The following PNLIPRP3 variants were observed in gnomAD, a reference collection of about 807,000 sequenced individuals.
PNLIPRP3 encodes pancreatic lipase related protein 3.
In PNLIPRP3, 58 loss-of-function variants were observed where a neutral mutation model predicts 52.8. That is an observed-to-expected ratio of 1.10 (90% CI 0.89 to 1.37). The LOEUF is 1.37. PNLIPRP3 is among the 40% of genes most tolerant of loss of function. PNLIPRP3 has a pLI of 0.00. For missense variants in PNLIPRP3, 593 were observed against 561.6 expected (o/e 1.06, Z -0.57); for synonymous variants, 192 against 185.0 (o/e 1.04, Z -0.31).
chr10:116,441,411 A>T (rs1041547146), intron 2 of PNLIPRP3, among the ~76,000 whole-genome samples: 1 of 152,186 alleles, frequency 6.6e-6, no homozygotes, highest in Non-Finnish European at 1.5e-5. Flanking sequence ...TTCGGACTAA[A>T]TTCCCTCCAA....
intron 10 of PNLIPRP3, among the ~76,000 whole-genome samples, chr10:116,473,928 T>C (rs1426147272): frequency 2.1e-5 from 3 of 144,886 alleles, no homozygotes; most frequent in Admixed American, 7.2e-5. Context: ...GATGAAACTA[T>C]TTTAAAATTC....
chr10:116,476,187 G>T (rs1027693976), intron 10 of PNLIPRP3, among the ~76,000 whole-genome samples: 1 of 152,120 alleles, frequency 6.6e-6, no homozygotes, highest in African/African-American at 2.4e-5. Context: ...CTTTTATGTG[G>T]TTAAAGAAGG....
At chr10:116,475,197 A>G (rs2133162559) in intron 10 of PNLIPRP3, among the ~76,000 whole-genome samples, 1 of 152,316 alleles carries the variant, frequency 6.6e-6, no homozygotes, top group East Asian at 1.9e-4. Context: ...GAAACCAAAT[A>G]CTGAATGTTC....
intron 3 of PNLIPRP3, among the ~76,000 whole-genome samples, chr10:116,443,678 A>T (rs1229509058): frequency 7.3e-6 from 1 of 136,904 alleles, no homozygotes; most frequent in African/African-American, 2.7e-5. Flanking sequence ...CATATATATA[A>T]ACACATATAT....
Position 116,477,052 on chromosome 10 carries a change from G to C in PNLIPRP3, c.1341-38G>C. 1.3e-6 allele frequency: 2 copies of C among 1,504,846 alleles called. 1 individual carries two copies. 93.2% of individuals were successfully genotyped at this position (1,504,846 alleles called of 1,614,324 possible). A position where few individuals can be genotyped will look rare whatever the true frequency, so the allele number is the denominator to read the frequency against. On this transcript the variant is annotated intron_variant, in intron 11 of 11. Coordinates refer to ENST00000369230, the MANE Select transcript of PNLIPRP3 (RefSeq NM_001011709.3). ...CGTGTCTTTTTCTTCCCTGGCATCA[G>C]GTTAAAATTCCTTTTTTTTTTCCTT...
At chr10:116,446,864 C>T (rs983967445) in intron 4 of PNLIPRP3, among the ~76,000 whole-genome samples, 4 of 152,194 alleles carry the variant, frequency 2.6e-5, no homozygotes, top group African/African-American at 4.8e-5. Context: ...TCCTAGCTTC[C>T]CGCTTCACCT....
At chr10:116,461,123 A>G (rs1476090751) in intron 6 of PNLIPRP3, 38 bp downstream of exon 6, 2 of 1,614,152 alleles carry the variant, frequency 1.2e-6, no homozygotes, top group East Asian at 2.2e-5. Flanking sequence ...ATTGAAGCAT[A>G]GAGGAGATTT....
At chr10:116,473,768 A>G (rs1339825871) in intron 10 of PNLIPRP3, among the ~76,000 whole-genome samples, 1 of 151,944 alleles carries the variant, frequency 6.6e-6, no homozygotes, top group Non-Finnish European at 1.5e-5. Flanking sequence ...TGATCCACCC[A>G]CTTCGGCCTC....
intron 1 of PNLIPRP3, among the ~76,000 whole-genome samples, chr10:116,434,706 A>G (rs532921309): frequency 6.6e-6 from 1 of 152,298 alleles, no homozygotes; most frequent in African/African-American, 2.4e-5. Context: ...GAGGACCTGG[A>G]GAAAAAAGCA....
chr10:116,464,705 G>C (rs1846252921), intron 7 of PNLIPRP3, among the ~76,000 whole-genome samples: 1 of 152,234 alleles, frequency 6.6e-6, no homozygotes, highest in Non-Finnish European at 1.5e-5. Context: ...CCCCAAAGGG[G>C]GTGTTACATA....
chr10:116,468,128 A>C (rs1846309776), intron 8 of PNLIPRP3, among the ~76,000 whole-genome samples: 3 of 33,748 alleles, frequency 8.9e-5, no homozygotes, highest in Non-Finnish European at 2.7e-4. Context: ...CTGTCTCGCA[A>C]AAAAAAAAAA....
chr10:116,444,933 C>T (rs181664160), intron 4 of PNLIPRP3, among the ~76,000 whole-genome samples: 3,186 of 152,216 alleles, frequency 0.021, 48 homozygotes, highest in Non-Finnish European at 0.027. Flanking sequence ...GGTCTGTAGG[C>T]CAGTCCAGAC....
At chr10:116,473,012 G>A (rs918817277) in intron 10 of PNLIPRP3, among the ~76,000 whole-genome samples, 6 of 152,260 alleles carry the variant, frequency 3.9e-5, no homozygotes, top group African/African-American at 7.2e-5. Context: ...GGGTAAAGCT[G>A]TGTGATTTGT....
At chr10:116,473,676 C>A (rs190568428) in intron 10 of PNLIPRP3, among the ~76,000 whole-genome samples, 1 of 152,000 alleles carries the variant, frequency 6.6e-6, no homozygotes, top group Admixed American at 6.6e-5. Context: ...TGCCCACCAC[C>A]ATGCCTGGCT....
At chr10:116,460,185 G>A (rs1460461849) in intron 5 of PNLIPRP3, among the ~76,000 whole-genome samples, 3 of 152,178 alleles carry the variant, frequency 2.0e-5, no homozygotes, top group Admixed American at 6.5e-5. Context: ...ACACTGACTG[G>A]GGTGCCTTTC....
chr10:116,476,973 A>C, intron 11 of PNLIPRP3, 117 bp from the exon 12 acceptor site: 1 of 1,162,018 alleles, frequency 8.6e-7, no homozygotes, highest in Non-Finnish European at 1.2e-6. Flanking sequence ...AACCAATGCT[A>C]TATGTGCAGA....
rs572660219 is a variant in PNLIPRP3 at position 116,466,033 on chromosome 10, G to A, written c.809-17G>A. On this transcript the variant is annotated splice_polypyrimidine_tract_variant and intron_variant, in intron 7 of 11. Coordinates refer to ENST00000369230, the MANE Select transcript of PNLIPRP3 (RefSeq NM_001011709.3). Reference sequence around the variant, plus strand: ...ATCAGTTAATTGCTATCAGTTAATTGGGAATTGTTTTCACAGAAATGGCTT... The same window carrying A: ...ATCAGTTAATTGCTATCAGTTAATTAGGAATTGTTTTCACAGAAATGGCTT... 5 of 1,542,674 alleles carry A rather than the reference G, an allele frequency of 3.2e-6. No homozygotes were observed. In the African/African-American group the frequency reaches 4.1e-5, roughly 13 times the overall value.
At chr10:116,461,652 G>A (rs560049690) in intron 7 of PNLIPRP3, among the ~76,000 whole-genome samples, 3 of 152,188 alleles carry the variant, frequency 2.0e-5, no homozygotes, top group Non-Finnish European at 4.4e-5. Context: ...CTCCCTGATG[G>A]AGTTCATTTT....
intron 1 of PNLIPRP3, among the ~76,000 whole-genome samples, chr10:116,428,388 G>A (rs544845597): frequency 6.6e-6 from 1 of 152,194 alleles, no homozygotes; most frequent in Non-Finnish European, 1.5e-5. Flanking sequence ...CCACTTACTA[G>A]TCTTATGGGC....
Sources: allele counts gnomAD v4.1 joint callset (sites outside exome capture counted in the v4.1 genomes callset), GRCh38; gene constraint gnomAD v4.1.1; transcripts MANE v1.5; gene names NCBI Gene and HGNC (gene_info 2026-07-23, HGNC 2026-07-21).